SLC16A4: variants seen among roughly 807,000 people sequenced by gnomAD.
SLC16A4 encodes probable monocarboxylate transporter 5.
In SLC16A4, 39 loss-of-function variants were observed where a neutral mutation model predicts 47.9. The ratio of observed to expected loss-of-function variants is 0.81; its 90% CI spans 0.63 to 1.06. The LOEUF (loss-of-function observed/expected upper bound fraction) is 1.06. SLC16A4 is among the 50% of genes least tolerant of loss of function. The probability of loss-of-function intolerance (pLI) is 0.00; values close to 1 mark genes in which losing one functional copy is unlikely to be tolerated. For missense variants in SLC16A4, 524 were observed against 573.8 expected, an observed-to-expected ratio of 0.91 and a Z score of 0.89; for synonymous variants, 189 against 199.9, an observed-to-expected ratio of 0.95 and a Z score of 0.46.
Position 110,363,573 on chromosome 1 carries a change from C to A in SLC16A4, c.*193G>T, listed in dbSNP as rs1286593394. ...CCCAGGAGGCGGAGATTACAGTGAG[C>A]CGAGATTGCGCCACTGCACTCCAGC... On this transcript the variant is annotated 3_prime_UTR_variant, in exon 9 of 9. Coordinates refer to ENST00000369779, the MANE Select transcript of SLC16A4 (RefSeq NM_004696.3). The A allele has an allele frequency of 5.3e-6, 2 of 379,770 alleles. No individual in the cohort carries two copies. Among genetic ancestry groups the A allele is most frequent in the Non-Finnish European group, 9.0e-6 (2 of 221,140 alleles). The allele number at this position is 379,770 out of a possible 1,614,324, so 23.5% of individuals were successfully genotyped here.
At chr1:110,390,160 T>G (rs1662960727) in intron 1 of SLC16A4, among the ~76,000 whole-genome samples, 1 of 152,200 alleles carries the variant, frequency 6.6e-6, no homozygotes, top group Admixed American at 6.5e-5. Flanking sequence ...AACTAAGGAC[T>G]TAGTTACCTG....
At chr1:110,388,366 A>G (rs952114540) in intron 2 of SLC16A4, among the ~76,000 whole-genome samples, 4 of 152,236 alleles carry the variant, frequency 2.6e-5, no homozygotes, top group African/African-American at 7.2e-5. Flanking sequence ...CTCCCCCTTC[A>G]AAATCCTTGT....
chr1:110,375,692 C>A, intron 7 of SLC16A4, 141 bp from the exon 8 acceptor site: 1 of 543,764 alleles, frequency 1.8e-6, no homozygotes, highest in Non-Finnish European at 3.4e-6. Context: ...CTTTTTGCCC[C>A]CAATATTGTG....
rs1425731887 is a variant in SLC16A4 at position 110,382,869 on chromosome 1, A to G, written c.185T>C (p.Ile62Thr). The change falls in exon 3 of 9, where the codon ATT becomes ACT. Residue 62 changes from isoleucine to threonine, a missense_variant. Ile to Thr is a moderately conservative substitution (Grantham distance 89). Transcript: ENST00000369779. ...FEGTSEQIGW[I>T]GSIMSSLRFC... Reference sequence around the variant, plus strand: ...ACGAAGAGATGACATGATGGATCCAATCCAACCAATTTGCTCTGAGGTGCC... The same window carrying G: ...ACGAAGAGATGACATGATGGATCCAGTCCAACCAATTTGCTCTGAGGTGCC... The G allele has an allele frequency of 6.2e-7, 1 of 1,611,896 alleles. No homozygotes were observed. The highest frequency in any genetic ancestry group is 2.2e-5 in the East Asian group (1 of 44,832).
chr1:110,380,441 T>A (rs1485142637), intron 5 of SLC16A4, among the ~76,000 whole-genome samples: 3 of 152,174 alleles, frequency 2.0e-5, no homozygotes, highest in Non-Finnish European at 2.9e-5. Context: ...AATTGTGAGT[T>A]GAATCATTTT....
Position 110,362,945 on chromosome 1 carries a change from C to T in SLC16A4, c.*821G>A, listed in dbSNP as rs998617975. 6.6e-6 allele frequency: 1 copy of T among 151,880 alleles called. No homozygotes were observed. Among genetic ancestry groups the T allele is most frequent in the Non-Finnish European group, 1.5e-5 (1 of 67,978 alleles). The allele number at this position is 151,880 out of a possible 1,614,324, so 9.4% of individuals were successfully genotyped here. On this transcript the variant is annotated 3_prime_UTR_variant, in exon 9 of 9. Coordinates refer to ENST00000369779, the MANE Select transcript of SLC16A4 (RefSeq NM_004696.3). Reference sequence around the variant, plus strand: ...GTAATACAAAGAAAGTAAGGATTACCTTTAATTAAGAACCTAAGTAATACA... The same window carrying T: ...GTAATACAAAGAAAGTAAGGATTACTTTTAATTAAGAACCTAAGTAATACA...
intron 8 of SLC16A4, among the ~76,000 whole-genome samples, 185 bp from the exon 9 acceptor site, chr1:110,364,078 A>T (rs1000037350): frequency 6.6e-6 from 1 of 152,206 alleles, no homozygotes; most frequent in Non-Finnish European, 1.5e-5. Context: ...AGGGACTTAC[A>T]CCATCTCCAA....
In SLC16A4 at chr1:110,376,945, C is replaced by G. The variant is rs1476694729; in HGVS notation, c.1242+5G>C. ...TTAACAATGTTAATGAGTGTGTCTA[C>G]TCACCAGTACAGGCAGTATCAATGC... On this transcript the variant is annotated splice_donor_5th_base_variant and intron_variant, in intron 7 of 8. Transcript: ENST00000369779. 1 of 1,611,460 alleles carries G rather than the reference C, an allele frequency of 6.2e-7. No homozygotes were observed.
intron 8 of SLC16A4, among the ~76,000 whole-genome samples, chr1:110,364,634 C>G (rs1661277660): frequency 6.6e-6 from 1 of 151,830 alleles, no homozygotes; most frequent in Admixed American, 6.6e-5. Flanking sequence ...CCTCAGCCTC[C>G]CAAGTAGCTG....
In SLC16A4 at chr1:110,368,994, G is replaced by T. The variant is rs1448068288; in HGVS notation, c.1337-5101C>A. ...TTTTGAGATGGAGTCTCGCCCTGTCGCCCAGGCTGAAATGCAGTGGTGCAA... is the reference window on the plus strand; with the variant it reads ...TTTTGAGATGGAGTCTCGCCCTGTCTCCCAGGCTGAAATGCAGTGGTGCAA... On this transcript the variant is annotated intron_variant, in intron 8 of 8. Coordinates refer to ENST00000369779, the MANE Select transcript of SLC16A4 (RefSeq NM_004696.3). 2.0e-5 allele frequency among the ~76,000 whole-genome samples: 3 copies of T among 147,330 alleles called. No individual in the cohort carries two copies. The Admixed American group carries it at 2.1e-4, about 10-fold the overall frequency.
chr1:110,378,541 C>T (rs11102094), intron 6 of SLC16A4, among the ~76,000 whole-genome samples: 57,012 of 152,074 alleles, frequency 0.37, 11,367 homozygotes, highest in Non-Finnish European at 0.46. Flanking sequence ...TGGCTATTGC[C>T]ATTGAGCATC....
At chr1:110,377,217 C>T in intron 6 of SLC16A4, 56 bp from the exon 7 acceptor site, 4 of 1,347,144 alleles carry the variant, frequency 3.0e-6, no homozygotes, top group Non-Finnish European at 3.1e-6. Context: ...AATGTGAATG[C>T]ATACAGCATC....
chr1:110,382,932 A>C lies in SLC16A4; in HGVS notation c.122T>G (p.Phe41Cys), dbSNP rs774051411. 1.9e-6 allele frequency: 3 copies of C among 1,612,482 alleles called. No homozygotes were observed. The highest frequency in any genetic ancestry group is 2.5e-6 in the Non-Finnish European group (3 of 1,178,892). Reference protein sequence around the residue: ...NVFVMGMTKTFAIFFVVFQEE... With the variant: ...NVFVMGMTKTCAIFFVVFQEE... ...TTGAAAGACCACAAAGAAAATTGCAAAAGTCTTGGTCATCCCCATCACAAA... is the reference window on the plus strand; with the variant it reads ...TTGAAAGACCACAAAGAAAATTGCACAAGTCTTGGTCATCCCCATCACAAA... The change falls in exon 3 of 9, where the codon TTT (phenylalanine) becomes TGT (cysteine). Residue 41 changes from phenylalanine (F) to cysteine (C), a missense_variant. Physicochemically the swap from Phe to Cys is radical, Grantham distance 205. Transcript: ENST00000369779.
chr1:110,375,642 C>T lies in SLC16A4; in HGVS notation c.1243-91G>A, dbSNP rs1661958154. The T allele has an allele frequency of 9.7e-6, 7 of 723,896 alleles. No individual in the cohort carries two copies. In the South Asian group the frequency reaches 1.2e-4, roughly 13 times the overall value. The allele number at this position is 723,896 out of a possible 1,614,324, so 44.8% of individuals were successfully genotyped here. On this transcript the variant is annotated intron_variant, in intron 7 of 8. Transcript: ENST00000369779. ...AAGGGACAAATACTATTTATATCAT[C>T]TCAAGCTATGAACAGTGACTTCTGG...
Position 110,367,418 on chromosome 1 carries a change from G to C in SLC16A4, c.1337-3525C>G, listed in dbSNP as rs533437789. ...AGCACTTTGGGAGGCCAAGGTAGAA[G>C]GATGACTTGAGCTTAGGAGTTCAAG... On this transcript the variant is annotated intron_variant, in intron 8 of 8. Transcript: ENST00000369779. Among the ~76,000 whole-genome samples the C allele has an allele frequency of 3.9e-5, 6 of 152,316 alleles. No individual in the cohort carries two copies. In the South Asian group the frequency reaches 6.2e-4, roughly 16 times the overall value.
In SLC16A4 at chr1:110,389,311, C is replaced by T; in HGVS notation, c.13G>A (p.Glu5Lys). The T allele has an allele frequency of 6.2e-7, 1 of 1,612,064 alleles. No homozygotes were observed. The highest frequency in any genetic ancestry group is 8.5e-7 in the Non-Finnish European group (1 of 1,178,074). ...TTAGTGTAAGGTTGGACCTTCCCCT[C>T]CCTCTTCAGCATGATGCCTCTTCTA... MLKR[E>K]GKVQPYTKTL... is the part of the protein sequence containing the mutation. Residue 5 changes from glutamate to lysine, a missense_variant, in exon 2 of 9, where the codon GAG becomes AAG. Transcript: ENST00000369779.
chr1:110,368,788 G>T (rs909093102), intron 8 of SLC16A4, among the ~76,000 whole-genome samples: 1 of 151,950 alleles, frequency 6.6e-6, no homozygotes, highest in Non-Finnish European at 1.5e-5. Context: ...ATTTAATATA[G>T]GATTCTGAAC....
At chr1:110,372,566 T>A (rs991161213) in intron 8 of SLC16A4, 4 of 152,262 alleles carry the variant, frequency 2.6e-5, no homozygotes, top group Non-Finnish European at 4.4e-5. Flanking sequence ...TCTAATGGCC[T>A]TTGTAATGTC....
At chr1:110,377,829 T>A (rs1483049464) in intron 6 of SLC16A4, among the ~76,000 whole-genome samples, 1 of 152,104 alleles carries the variant, frequency 6.6e-6, no homozygotes, top group Non-Finnish European at 1.5e-5. Flanking sequence ...TATTTATTTT[T>A]ATTTTATTAT....
Sources: gnomAD v4.1 joint callset for allele counts (sites outside exome capture counted in the v4.1 genomes callset) on GRCh38, gnomAD v4.1.1 for gene constraint, MANE v1.5 for transcripts, NCBI Gene and HGNC (gene_info 2026-07-23, HGNC 2026-07-21) for gene names.